R3HDM1: variants seen among roughly 807,000 people sequenced by gnomAD.
The protein encoded by R3HDM1 is R3H domain containing 1, also known as R3H domain-containing protein 1.
A neutral mutation model predicts 141.1 loss-of-function variants in R3HDM1; 46 were observed. The ratio of observed to expected loss-of-function variants is 0.33; its 90% CI spans 0.26 to 0.42. R3HDM1 has a LOEUF of 0.42. Among genes scored for constraint, R3HDM1 ranks in the 10% least tolerant of loss-of-function variants. R3HDM1 has a pLI of 1.00. For missense variants in R3HDM1, 1,184 were observed against 1,368.3 expected (o/e 0.87, Z 2.12); for synonymous variants, 435 against 472.9 (o/e 0.92, Z 1.04).
At chr2:135,575,044 G>A (rs1321464045) in intron 1 of R3HDM1, among the ~76,000 whole-genome samples, 1 of 152,178 alleles carries the variant, frequency 6.6e-6, no homozygotes, top group Non-Finnish European at 1.5e-5. Flanking sequence ...ATGATAACGG[G>A]TTGAGCATCC....
chr2:135,613,499 C>T (rs1286757057), intron 3 of R3HDM1, among the ~76,000 whole-genome samples: 4 of 152,102 alleles, frequency 2.6e-5, no homozygotes, highest in Non-Finnish European at 5.9e-5. Context: ...CTTAAGGTCA[C>T]TTGGCTTGGA....
At chr2:135,609,693 C>G (rs538891138) in intron 3 of R3HDM1, among the ~76,000 whole-genome samples, 3 of 152,210 alleles carry the variant, frequency 2.0e-5, no homozygotes, top group African/African-American at 7.2e-5. Flanking sequence ...GTATAACTCA[C>G]CGATGGGTTT....
intron 21 of R3HDM1, among the ~76,000 whole-genome samples, chr2:135,701,384 G>A (rs1270297563): frequency 6.6e-6 from 1 of 152,016 alleles, no homozygotes. Context: ...GGGTCACAGA[G>A]CAAGACCCTA....
intron 18 of R3HDM1, among the ~76,000 whole-genome samples, chr2:135,654,535 G>A (rs1048294897): frequency 1.6e-4 from 24 of 151,526 alleles, no homozygotes; most frequent in African/African-American, 4.1e-4. Flanking sequence ...TGCAACCTCC[G>A]CCTGCCATGT....
At chr2:135,649,619 A>G (rs2064917207) in intron 16 of R3HDM1, among the ~76,000 whole-genome samples, 1 of 152,180 alleles carries the variant, frequency 6.6e-6, no homozygotes, top group South Asian at 2.1e-4. Flanking sequence ...CAAAATGCCT[A>G]AGTCACCTGT....
At chr2:135,660,413 G>C (rs1340145506) in intron 18 of R3HDM1, among the ~76,000 whole-genome samples, 1 of 152,170 alleles carries the variant, frequency 6.6e-6, no homozygotes, top group Non-Finnish European at 1.5e-5. Flanking sequence ...ATGATGTAAA[G>C]TTTTGACTGT....
At chr2:135,654,898 GTGTGTT>G (rs1174183084) in intron 18 of R3HDM1, among the ~76,000 whole-genome samples, 1 of 147,100 alleles carries the variant, frequency 6.8e-6, no homozygotes, top group African/African-American at 2.6e-5. Flanking sequence ...GTGTGTGTGT[GTGTGTT>G]TGTCTTTTTG....
chr2:135,551,180 CA>C (rs1699775081), intron 1 of R3HDM1, among the ~76,000 whole-genome samples: 1 of 152,206 alleles, frequency 6.6e-6, no homozygotes, highest in Non-Finnish European at 1.5e-5. Context: ...CTATCGTTAA[CA>C]CTTTTATCTA....
chr2:135,715,448 G>A (rs2076074472), intron 23 of R3HDM1, 102 bp from the exon 24 acceptor site: 2 of 1,309,792 alleles, frequency 1.5e-6, no homozygotes, highest in South Asian at 1.5e-5. Flanking sequence ...CTTCTATAAT[G>A]TTTGAATTAT....
intron 3 of R3HDM1, among the ~76,000 whole-genome samples, chr2:135,612,601 C>A (rs951703551): frequency 6.6e-6 from 1 of 152,004 alleles, no homozygotes; most frequent in Non-Finnish European, 1.5e-5. Flanking sequence ...TCGCCTAGTT[C>A]CTGTCTTATA....
intron 19 of R3HDM1, 87 bp from the exon 20 acceptor site, chr2:135,675,245 G>T: frequency 1.6e-6 from 2 of 1,283,306 alleles, no homozygotes; most frequent in Non-Finnish European, 2.1e-6. Context: ...TCATTTTAGA[G>T]CATAAAAGTA....
At chr2:135,561,398 T>C in intron 1 of R3HDM1, 1 of 891,202 alleles carries the variant, frequency 1.1e-6, no homozygotes, top group Non-Finnish European at 1.3e-6. Flanking sequence ...GAAAACAGAA[T>C]AAAATAGCAA....
intron 14 of R3HDM1, among the ~76,000 whole-genome samples, chr2:135,639,427 ATTCT>A (rs1290603966): frequency 4.6e-5 from 7 of 152,190 alleles, no homozygotes; most frequent in African/African-American, 1.4e-4. Flanking sequence ...GTAATTGGAA[ATTCT>A]TTATTACTTA....
At chr2:135,577,305 T>C (rs1318888427) in intron 1 of R3HDM1, 8 of 781,018 alleles carry the variant, frequency 1.0e-5, no homozygotes, top group East Asian at 1.3e-4. Context: ...TTTCAACATA[T>C]ACCTTAGCCA....
intron 1 of R3HDM1, among the ~76,000 whole-genome samples, chr2:135,555,956 C>T (rs1050673385): frequency 3.3e-5 from 5 of 151,944 alleles, no homozygotes; most frequent in African/African-American, 7.3e-5. Context: ...GTTGAGGCTG[C>T]AGTGAGCCAT....
At chr2:135,702,075 C>T (rs1186300007) in intron 21 of R3HDM1, among the ~76,000 whole-genome samples, 1 of 152,114 alleles carries the variant, frequency 6.6e-6, no homozygotes, top group Non-Finnish European at 1.5e-5. Context: ...GTGGAAGCAA[C>T]TCAAGTGTCT....
intron 1 of R3HDM1, chr2:135,549,902 A>T (rs534070048): frequency 1.2e-6 from 1 of 849,730 alleles, no homozygotes; most frequent in African/African-American, 1.8e-5. Flanking sequence ...ACCTCATTTA[A>T]ATAAGAATAC....
intron 19 of R3HDM1, chr2:135,665,287 T>G: frequency 2.5e-6 from 1 of 397,678 alleles, no homozygotes. Context: ...GATTTTAGGT[T>G]TACAAAGCCC....
In R3HDM1 at chr2:135,616,111, T is replaced by C. The variant is rs773140021; in HGVS notation, c.172-41T>C. On this transcript the variant is annotated intron_variant, in intron 3 of 26. Transcript: ENST00000683871. ...ATGAATTAAGAAGCAAATTTTCTGT[T>C]TCAGTATGAAATTTAATACAAATCT... 1.1e-5 allele frequency: 18 copies of C among 1,584,762 alleles called. No individual in the cohort carries two copies. The Admixed American group carries it at 2.7e-4, about 24-fold the overall frequency.
Sources: gnomAD v4.1 joint callset for allele counts (sites outside exome capture counted in the v4.1 genomes callset) on GRCh38, gnomAD v4.1.1 for gene constraint, MANE v1.5 for transcripts, NCBI Gene and HGNC (gene_info 2026-07-23, HGNC 2026-07-21) for gene names.